The following ABHD12B variants were observed in gnomAD, a reference collection of about 807,000 sequenced individuals.
ABHD12B encodes abhydrolase domain containing 12B, also known as protein ABHD12B.
Under a neutral mutation model 50.4 loss-of-function variants are expected in ABHD12B, and 42 were observed. The observed-to-expected ratio is 0.83, with a 90% CI of 0.65 to 1.08. ABHD12B has a LOEUF of 1.08. Among genes scored for constraint, ABHD12B ranks in the 50% least tolerant of loss-of-function variants. The probability of loss-of-function intolerance (pLI) is 0.00; values close to 1 mark genes in which losing one functional copy is unlikely to be tolerated. For synonymous variants in ABHD12B, 167 were observed against 160.3 expected (o/e 1.04, Z -0.32); for missense variants, 479 against 447.7 (o/e 1.07, Z -0.63).
At chr14:50,898,139 A>C (rs1359845946) in intron 9 of ABHD12B, among the ~76,000 whole-genome samples, 1 of 152,238 alleles carries the variant, frequency 6.6e-6, no homozygotes, top group Non-Finnish European at 1.5e-5. Context: ...GAGTTAATAG[A>C]GGACTTCCAC....
intron 9 of ABHD12B, 43 bp from the exon 10 acceptor site, chr14:50,901,786 G>A: frequency 7.5e-7 from 1 of 1,326,320 alleles, no homozygotes; most frequent in Non-Finnish European, 1.0e-6. Flanking sequence ...AGATGGCATA[G>A]CTATGGGGCA....
At chr14:50,877,792 G>A (rs1324849421) in intron 1 of ABHD12B, among the ~76,000 whole-genome samples, 160 bp from the exon 2 acceptor site, 5 of 151,400 alleles carry the variant, frequency 3.3e-5, no homozygotes, top group Admixed American at 6.6e-5. Flanking sequence ...GCTTGATCCC[G>A]GGAGGCAGAG....
chr14:50,875,778 T>C (rs540530078), intron 1 of ABHD12B, among the ~76,000 whole-genome samples: 3 of 152,314 alleles, frequency 2.0e-5, no homozygotes, highest in African/African-American at 7.2e-5. Context: ...CCGCAGTGCA[T>C]CTCAGAAAAG....
At chr14:50,884,859 T>C (rs1216975459) in intron 5 of ABHD12B, among the ~76,000 whole-genome samples, 1 of 151,946 alleles carries the variant, frequency 6.6e-6, no homozygotes, top group East Asian at 1.9e-4. Context: ...GGATTACAGG[T>C]GTGCACCACC....
chr14:50,892,422 C>T, intron 9 of ABHD12B: 1 of 985,386 alleles, frequency 1.0e-6, no homozygotes, highest in South Asian at 4.7e-5. Flanking sequence ...AGGCGGGGTG[C>T]TAAGCTTTGA....
At chr14:50,888,205 TTTC>T (rs1289294776) in intron 8 of ABHD12B, among the ~76,000 whole-genome samples, 1 of 56,234 alleles carries the variant, frequency 1.8e-5, no homozygotes, top group Non-Finnish European at 5.8e-5. Context: ...CTTTGCTTTC[TTTC>T]TTTTTTTTTT....
At chr14:50,901,040 G>A in intron 9 of ABHD12B, among the ~76,000 whole-genome samples, 1 of 152,204 alleles carries the variant, frequency 6.6e-6, no homozygotes, top group East Asian at 1.9e-4. Context: ...GGGTGGCTTA[G>A]GCTAAGTGAT....
intron 1 of ABHD12B, among the ~76,000 whole-genome samples, chr14:50,877,545 C>T (rs1362626682): frequency 1.3e-5 from 2 of 152,130 alleles, no homozygotes; most frequent in African/African-American, 2.4e-5. Context: ...CCAGTCTTGG[C>T]CTGCCGTGTA....
chr14:50,893,145 T>C (rs886977110), intron 9 of ABHD12B: 1 of 152,258 alleles, frequency 6.6e-6, no homozygotes, highest in African/African-American at 2.4e-5. Context: ...ATCGGGATTA[T>C]TAACCATGCT....
At chr14:50,898,033 T>C (rs2142767036) in intron 9 of ABHD12B, among the ~76,000 whole-genome samples, 1 of 152,198 alleles carries the variant, frequency 6.6e-6, no homozygotes, top group East Asian at 1.9e-4. Flanking sequence ...TTCTTGAAGG[T>C]GAGGGAAAGC....
At chr14:50,898,843 G>A (rs989443467) in intron 9 of ABHD12B, among the ~76,000 whole-genome samples, 2 of 152,192 alleles carry the variant, frequency 1.3e-5, no homozygotes, top group African/African-American at 4.8e-5. Flanking sequence ...CCTGAATGCA[G>A]ATCAGTTGCT....
chr14:50,893,603 G>A (rs59222852), intron 9 of ABHD12B: 8,324 of 154,432 alleles, frequency 0.054, 747 homozygotes, highest in African/African-American at 0.19. Flanking sequence ...TCACACGGAC[G>A]CGCATGAAAT....
At chr14:50,896,420 A>T (rs2050199682) in intron 9 of ABHD12B, among the ~76,000 whole-genome samples, 1 of 152,204 alleles carries the variant, frequency 6.6e-6, no homozygotes, top group Non-Finnish European at 1.5e-5. Context: ...AAGCCAAGCC[A>T]TCGCATCCCC....
At chr14:50,893,973 A>G (rs532848925) in intron 9 of ABHD12B, among the ~76,000 whole-genome samples, 27 of 152,376 alleles carry the variant, frequency 1.8e-4, no homozygotes, top group Non-Finnish European at 3.1e-4. Flanking sequence ...TTGGTGTTTA[A>G]TCATTGCAGG....
intron 11 of ABHD12B, among the ~76,000 whole-genome samples, chr14:50,903,766 A>G (rs2050294612): frequency 6.6e-6 from 1 of 152,180 alleles, no homozygotes. Flanking sequence ...TGGCTCTAAA[A>G]TGGAAGACGC....
chr14:50,893,858 C>T (rs562368803), intron 9 of ABHD12B: 3 of 152,642 alleles, frequency 2.0e-5, no homozygotes, highest in East Asian at 3.8e-4. Flanking sequence ...TCTCCCTTCT[C>T]TTAATTTCAA....
intron 8 of ABHD12B, among the ~76,000 whole-genome samples, chr14:50,887,046 T>C (rs2050050051): frequency 6.6e-6 from 1 of 151,620 alleles, no homozygotes; most frequent in Non-Finnish European, 1.5e-5. Flanking sequence ...AAACCCTGTC[T>C]CTACTAAAAA....
chr14:50,875,540 C>G (rs2049849819), intron 1 of ABHD12B, among the ~76,000 whole-genome samples: 1 of 152,176 alleles, frequency 6.6e-6, no homozygotes, highest in Non-Finnish European at 1.5e-5. Flanking sequence ...TGCAGCTGAT[C>G]AAAGGGCAAG....
intron 5 of ABHD12B, among the ~76,000 whole-genome samples, chr14:50,884,205 T>C (rs1246047698): frequency 6.6e-6 from 1 of 152,248 alleles, no homozygotes; most frequent in Non-Finnish European, 1.5e-5. Flanking sequence ...CTTTCATGTC[T>C]TTTTCCTAGA....
Sources: gnomAD v4.1 joint callset for allele counts (sites outside exome capture counted in the v4.1 genomes callset) on GRCh38, gnomAD v4.1.1 for gene constraint, MANE v1.5 for transcripts, NCBI Gene and HGNC (gene_info 2026-07-23, HGNC 2026-07-21) for gene names.